Variants in NEK8 observed in about 807,000 individuals in gnomAD.
The protein encoded by NEK8 is NIMA related kinase 8.
In NEK8, 51 loss-of-function variants were observed where a neutral mutation model predicts 77.2. The observed-to-expected ratio is 0.66, with a 90% CI of 0.53 to 0.83. The LOEUF (loss-of-function observed/expected upper bound fraction) is 0.83. Ranked by LOEUF, NEK8 falls within the 40% of genes least tolerant of loss-of-function variation. The pLI is 0.00. For missense variants in NEK8, 787 were observed against 909.2 expected (o/e 0.87, Z 1.73); for synonymous variants, 365 against 363.2 (o/e 1.00, Z -0.06).
Position 28,737,822 on chromosome 17 carries a change from TC to T in NEK8, c.898del (p.Arg300GlyfsTer4), listed in dbSNP as rs2034380592. The T allele has an allele frequency of 6.2e-7, 1 of 1,613,930 alleles. No individual in the cohort carries two copies. On this transcript the variant is annotated frameshift_variant, in exon 7 of 15. Coordinates refer to ENST00000268766, the MANE Select transcript of NEK8 (RefSeq NM_178170.3). LOFTEE classifies it high-confidence loss of function. The surrounding 1 kb of genome is among the most constrained non-coding windows in gnomAD (Gnocchi z 4.8). ...TCCCCATGCACTGTACCTGCAGGTA[TC>T]CCCCGGGGACCTGTGAGGCCAGCCA... ...SRTTSVRCRGIPRGPVRPAIP... is the reference protein window; with the variant it reads ...SRTTSVRCRGXPRGPVRPAIP...
At chr17:28,730,882 C>T (rs934280341) in intron 1 of NEK8, among the ~76,000 whole-genome samples, 5 of 151,954 alleles carry the variant, frequency 3.3e-5, no homozygotes, top group African/African-American at 1.2e-4. Context: ...GAGATGAGAC[C>T]CCTGCACTTC....
intron 1 of NEK8, among the ~76,000 whole-genome samples, chr17:28,731,277 T>G (rs2034303638): frequency 6.7e-6 from 1 of 148,856 alleles, no homozygotes; most frequent in African/African-American, 2.5e-5. Flanking sequence ...GTGGGGGTCA[T>G]GCCTGTAATC....
At chr17:28,735,789 ATTATAC>A (rs2034359002) in intron 4 of NEK8, among the ~76,000 whole-genome samples, 1 of 151,790 alleles carries the variant, frequency 6.6e-6, no homozygotes, top group South Asian at 2.1e-4. Context: ...TATTTTTTTT[ATTATAC>A]TTTAAGTTTT....
chr17:28,738,560 A>G, intron 8 of NEK8, 111 bp from the exon 9 acceptor site: 1 of 947,860 alleles, frequency 1.1e-6, no homozygotes, highest in Non-Finnish European at 1.7e-6. Flanking sequence ...CCATCCTTCC[A>G]GCCCTGGTCC....
At chr17:28,729,721 T>A in intron 1 of NEK8, among the ~76,000 whole-genome samples, 1 of 151,800 alleles carries the variant, frequency 6.6e-6, no homozygotes, top group Admixed American at 6.6e-5. Flanking sequence ...ATTTTTTGTG[T>A]TTTTAGTACA....
rs765054322 is a variant in NEK8 at position 28,737,628 on chromosome 17, G to A, written c.828-47G>A. ...GGCAAGTCCTCCCTTCCTGCATGTA[G>A]GAATGTCAGGAGGGTCTTTGTCCTT... On this transcript the variant is annotated intron_variant, in intron 5 of 14. Transcript: ENST00000268766. The surrounding 1 kb of genome is among the most constrained non-coding windows in gnomAD (Gnocchi z 4.8). The A allele has an allele frequency of 6.2e-7, 1 of 1,614,100 alleles. No homozygotes were observed. Among genetic ancestry groups the A allele is most frequent in the Non-Finnish European group, 8.5e-7 (1 of 1,179,954 alleles).
Position 28,742,647 on chromosome 17 carries a change from C to T in NEK8, c.*660C>T, listed in dbSNP as rs1455253095. 6.4e-6 allele frequency: 1 copy of T among 157,036 alleles called. No individual in the cohort carries two copies. Among genetic ancestry groups the T allele is most frequent in the Non-Finnish European group, 1.4e-5 (1 of 70,858 alleles). The allele number at this position is 157,036 out of a possible 1,614,324, so 9.7% of individuals were successfully genotyped here. A position where few individuals can be genotyped will look rare whatever the true frequency, so the allele number is the denominator to read the frequency against. On this transcript the variant is annotated 3_prime_UTR_variant, in exon 15 of 15. Transcript: ENST00000268766. ...GCCCAGTTAGAAAATAAGTCTGGGC[C>T]GGCGGCGGTGGCTCACACCTGCATA...
intron 1 of NEK8, among the ~76,000 whole-genome samples, chr17:28,729,854 G>A (rs1175246331): frequency 6.6e-6 from 1 of 152,116 alleles, no homozygotes; most frequent in Non-Finnish European, 1.5e-5. Flanking sequence ...CCAGAAGTGA[G>A]ATTTAAGGCC....
chr17:28,740,880 C>G lies in NEK8; in HGVS notation c.1627C>G (p.Gln543Glu), dbSNP rs2034413935. 1 of 1,614,140 alleles carries G rather than the reference C, an allele frequency of 6.2e-7. No individual in the cohort carries two copies. ...GGGGGAGGAGCCTGTCCCCCACCAG[C>G]AAGTGGAGGAGGCCCTGAGCTTCAC... ...SLGEEPVPHQ[Q>E]VEEALSFTLL... Residue 543 changes from glutamine (Q) to glutamate (E), a missense_variant, in exon 12 of 15, where the codon CAA becomes GAA. By Grantham distance (29) the Gln-to-Glu change is conservative. Around this residue, in one of 2 missense-constraint regions of NEK8, gnomAD observed 516 missense variants for 544.0 expected, o/e 0.95. Coordinates refer to ENST00000268766, the MANE Select transcript of NEK8 (RefSeq NM_178170.3). This position sits in a 1 kb window ranked among gnomAD's most constrained non-coding sequence, Gnocchi z 4.7.
In NEK8 at chr17:28,734,897, C is replaced by G. The variant is rs752792782; in HGVS notation, c.379C>G (p.Arg127Gly). The change falls in exon 3 of 15, where the codon CGA becomes GGA. Residue 127 changes from arginine to glycine, a missense_variant. By Grantham distance (125) the Arg-to-Gly change is moderately radical. This residue lies in a region of NEK8 where 271 missense variants were observed against 365.1 expected (regional missense o/e 0.74). Transcript: ENST00000268766. ...TGTGCACACCCACCTCATCCTGCAC[C>G]GAGACCTCAAGACCCAGAACATCCT... The part of the protein sequence containing the change: ...HHVHTHLILH[R>G]DLKTQNILLD... The G allele has an allele frequency of 6.2e-7, 1 of 1,613,768 alleles. No individual in the cohort carries two copies. Among genetic ancestry groups the G allele is most frequent in the Non-Finnish European group, 8.5e-7 (1 of 1,179,992 alleles).
In NEK8 at chr17:28,738,106, A is replaced by G; in HGVS notation, c.1083A>G (p.Leu361=). 1 of 1,613,658 alleles carries G rather than the reference A, an allele frequency of 6.2e-7. No homozygotes were observed. The highest frequency in any genetic ancestry group is 8.5e-7 in the Non-Finnish European group (1 of 1,179,820). The change falls in exon 8 of 15, where the codon CTA becomes CTG. Residue 361 remains leucine (L), a synonymous_variant. Coordinates refer to ENST00000268766, the MANE Select transcript of NEK8 (RefSeq NM_178170.3). ...GRLILWEAPP[L]GAGGGSLLPG... ...CCCTGCCCCTGCAGGCCCCACCCCT[A>G]GGTGCAGGCGGAGGCAGTCTCCTTC...
At chr17:28,728,929 A>G (rs1367907600) in intron 1 of NEK8, 69 bp downstream of exon 1, 4 of 1,388,188 alleles carry the variant, frequency 2.9e-6, no homozygotes, top group Non-Finnish European at 4.0e-6. Flanking sequence ...CCGCCCGCGA[A>G]GTCGCCGCCC....
chr17:28,740,198 C>T lies in NEK8; in HGVS notation c.1418-265C>T, dbSNP rs1243109328. On this transcript the variant is annotated intron_variant, in intron 10 of 14. Transcript: ENST00000268766. This position sits in a 1 kb window ranked among gnomAD's most constrained non-coding sequence, Gnocchi z 4.7. Reference sequence around the variant, plus strand: ...ACTCAGGAGGCTGAGGCAGGAGAATCGCTTGAACCCAGGAGGCAGAGGTTG... The same window carrying T: ...ACTCAGGAGGCTGAGGCAGGAGAATTGCTTGAACCCAGGAGGCAGAGGTTG... Among the ~76,000 whole-genome samples, 4 of 152,094 alleles carry T rather than the reference C, an allele frequency of 2.6e-5. No homozygotes were observed. Among genetic ancestry groups the T allele is most frequent in the African/African-American group, 9.7e-5 (4 of 41,416 alleles).
chr17:28,740,852 C>G lies in NEK8; in HGVS notation c.1599C>G (p.Ser533=), dbSNP rs199897528. The G allele has an allele frequency of 4.3e-6, 7 of 1,613,952 alleles. No individual in the cohort carries two copies. Among genetic ancestry groups the G allele is most frequent in the Non-Finnish European group, 5.9e-6 (7 of 1,180,032 alleles). Residue 533 remains serine, a synonymous_variant, in exon 12 of 15, where the codon TCC becomes TCG. Coordinates refer to ENST00000268766, the MANE Select transcript of NEK8 (RefSeq NM_178170.3). The surrounding 1 kb of genome is among the most constrained non-coding windows in gnomAD (Gnocchi z 4.7). ...RFNKLGLDHL[S]LGEEPVPHQQ... ...ACAAGCTGGGCCTGGACCACCTCTC[C>G]CTGGGGGAGGAGCCTGTCCCCCACC...
Position 28,742,764 on chromosome 17 carries a change from CAA to C in NEK8, c.*791_*792del, listed in dbSNP as rs752579944. Reference sequence around the variant, plus strand: ...ACCATAGCGAGACCGCTGTCTCCACCAAAAAAAAAAAAAAAGAAGAAAATAAG... The same window carrying C: ...ACCATAGCGAGACCGCTGTCTCCACCAAAAAAAAAAAAAGAAGAAAATAAG... On this transcript the variant is annotated 3_prime_UTR_variant, in exon 15 of 15. Coordinates refer to ENST00000268766, the MANE Select transcript of NEK8 (RefSeq NM_178170.3). 1.0e-3 allele frequency: 126 copies of C among 126,130 alleles called. No homozygotes were observed. Among genetic ancestry groups the C allele is most frequent in the Middle Eastern group, 4.0e-3 (1 of 250 alleles). 7.8% of individuals were successfully genotyped at this position (126,130 alleles called of 1,614,324 possible). A position where few individuals can be genotyped will look rare whatever the true frequency, so the allele number is the denominator to read the frequency against.
rs1219125614 is a variant in NEK8 at position 28,741,632 on chromosome 17, T to C, written c.2050+61T>C. 5.2e-6 allele frequency: 8 copies of C among 1,550,802 alleles called. No homozygotes were observed. Among genetic ancestry groups the C allele is most frequent in the Non-Finnish European group, 6.2e-6 (7 of 1,124,384 alleles). On this transcript the variant is annotated intron_variant, in intron 14 of 14. Coordinates refer to ENST00000268766, the MANE Select transcript of NEK8 (RefSeq NM_178170.3). The surrounding 1 kb of genome is among the most constrained non-coding windows in gnomAD (Gnocchi z 4.5). ...CAGCTGGCCCCTGTCCACACTCCCATCCCCAGTGTTCACAGATGGCCACAT... is the reference window on the plus strand; with the variant it reads ...CAGCTGGCCCCTGTCCACACTCCCACCCCCAGTGTTCACAGATGGCCACAT...
rs2034336505 is a variant in NEK8, at chr17:28,734,046, G to A, written c.111G>A (p.Val37=). 12 of 1,614,092 alleles carry A rather than the reference G, an allele frequency of 7.4e-6. No homozygotes were observed. In the South Asian group the frequency reaches 1.1e-4, roughly 15 times the overall value. Residue 37 remains valine (V), a synonymous_variant, in exon 2 of 15, where the codon GTG becomes GTA. Transcript: ENST00000268766. ...QKLVIIKQIP[V]EQMTKEERQA... ...TGGTGATCATCAAGCAGATTCCAGTGGAACAGATGACCAAGGAAGAGCGGC... is the reference window on the plus strand; with the variant it reads ...TGGTGATCATCAAGCAGATTCCAGTAGAACAGATGACCAAGGAAGAGCGGC...
At position 28,734,060 on chromosome 17, in the gene NEK8, A is replaced by G. The variant is rs372807519; in HGVS notation, c.125A>G (p.Lys42Arg). 11 of 1,614,136 alleles carry G rather than the reference A, an allele frequency of 6.8e-6. No homozygotes were observed. The highest frequency in any genetic ancestry group is 1.3e-5 in the African/African-American group (1 of 74,948). ...CAGATTCCAGTGGAACAGATGACCA[A>G]GGAAGAGCGGCAGGCAGCCCAGAAT... ...IKQIPVEQMT[K>R]EERQAAQNEC... Residue 42 changes from lysine (K) to arginine (R), a missense_variant, in exon 2 of 15, where the codon AAG becomes AGG. This residue lies in a region of NEK8 where 271 missense variants were observed against 365.1 expected (regional missense o/e 0.74). Transcript: ENST00000268766.
rs994904791 is a variant in NEK8 at position 28,734,541 on chromosome 17, G to C, written c.254-231G>C. On this transcript the variant is annotated intron_variant, in intron 2 of 14. Transcript: ENST00000268766. The stretch of plus-strand genomic sequence containing the variant: ...ATACAAAAAAAAAAAAAAATTAGCC[G>C]GGTGTGGTGGCAGGCACCTGTAGTC... The C allele has an allele frequency of 5.2e-6, 3 of 578,686 alleles. No individual in the cohort carries two copies. In the African/African-American group the frequency reaches 5.6e-5, roughly 11 times the overall value. The allele number at this position is 578,686 out of a possible 1,614,324, so 35.8% of individuals were successfully genotyped here.
Sources: gnomAD v4.1 joint callset for allele counts (sites outside exome capture counted in the v4.1 genomes callset) on GRCh38, gnomAD v4.1.1 for gene constraint, gnomAD v4.1.1 regional missense constraint, Gnocchi (gnomAD v3.1) non-coding constraint, MANE v1.5 for transcripts, NCBI Gene and HGNC (gene_info 2026-07-23, HGNC 2026-07-21) for gene names.